Variants in SARAF observed in about 807,000 individuals in gnomAD.
The protein encoded by SARAF is store-operated calcium entry-associated regulatory factor.
Under a neutral mutation model 39.7 loss-of-function variants are expected in SARAF, and 23 were observed. The observed-to-expected ratio is 0.58, with a 90% CI of 0.42 to 0.82. SARAF has a LOEUF of 0.82. Among genes scored for constraint, SARAF ranks in the 40% least tolerant of loss-of-function variants. The pLI, the probability that SARAF is intolerant of heterozygous loss-of-function variation, is 0.00. For missense variants in SARAF, 384 were observed against 418.5 expected, an observed-to-expected ratio of 0.92 and a Z score of 0.72; for synonymous variants, 175 against 168.5, an observed-to-expected ratio of 1.04 and a Z score of -0.30.
chr8:30,076,001 AAAAC>A lies in SARAF; in HGVS notation c.104-1950_104-1947del, dbSNP rs1563356253. On this transcript the variant is annotated intron_variant, in intron 1 of 5. Transcript: ENST00000256255. Reference sequence around the variant, plus strand: ...ATCCCTAAAAAAAAACAAAAAAAAAAAAACAAAAAACGGGAAATGGCAGCTCTGG... The same window carrying A: ...ATCCCTAAAAAAAAACAAAAAAAAAAAAAAAACGGGAAATGGCAGCTCTGG... Among the ~76,000 whole-genome samples the A allele has an allele frequency of 1.0e-4, 15 of 146,002 alleles. 6 individuals are homozygous for A. Among genetic ancestry groups the A allele is most frequent in the Non-Finnish European group, 1.8e-4 (12 of 66,966 alleles).
In SARAF at chr8:30,065,944, T is replaced by C. The variant is rs368722565; in HGVS notation, c.994+44A>G. ...TTCTAAAGTTCCCAAACTATTTCTG[T>C]ACTTTACTCCTAGGTAAAAGGAACT... On this transcript the variant is annotated intron_variant, in intron 5 of 5. Coordinates refer to ENST00000256255, the MANE Select transcript of SARAF (RefSeq NM_016127.6). 3 of 1,609,982 alleles carry C rather than the reference T, an allele frequency of 1.9e-6. No homozygotes were observed. In the African/African-American group the frequency reaches 4.0e-5, roughly 22 times the overall value.
chr8:30,080,697 G>C (rs1585447883), intron 1 of SARAF, among the ~76,000 whole-genome samples: 1 of 152,148 alleles, frequency 6.6e-6, no homozygotes, highest in African/African-American at 2.4e-5. Flanking sequence ...CTTTAGAATG[G>C]TGCTAATTTT....
rs1022301525 is a variant in SARAF at position 30,063,706 on chromosome 8, T to C, written c.*182A>G. The C allele has an allele frequency of 3.2e-6, 2 of 618,718 alleles. No individual in the cohort carries two copies. Among genetic ancestry groups the C allele is most frequent in the African/African-American group, 1.8e-5 (1 of 54,104 alleles). The allele number at this position is 618,718 out of a possible 1,614,324, so 38.3% of individuals were successfully genotyped here. The stretch of plus-strand genomic sequence containing the variant: ...CACTGACATACAACACATAAGTATT[T>C]TGTCACACATCAACTTTTAGCCTCA... On this transcript the variant is annotated 3_prime_UTR_variant, in exon 6 of 6. Coordinates refer to ENST00000256255, the MANE Select transcript of SARAF (RefSeq NM_016127.6).
At chr8:30,064,551 A>ATTTTTTTTTT (rs1387887357) in intron 5 of SARAF, among the ~76,000 whole-genome samples, 14 of 46,122 alleles carry the variant, frequency 3.0e-4, no homozygotes, top group Non-Finnish European at 3.7e-4. Context: ...ATATATATAT[A>ATTTTTTTTTT]TATATATATA....
rs150068798 is a variant in SARAF, at chr8:30,074,871, T to C, written c.104-816A>G. On this transcript the variant is annotated intron_variant, in intron 1 of 5. Coordinates refer to ENST00000256255, the MANE Select transcript of SARAF (RefSeq NM_016127.6). Reference sequence around the variant, plus strand: ...TGTACACTTCTGTATGTTTAAATACTTTAGGTATTTCATAATTTTAAAAAT... The same window carrying C: ...TGTACACTTCTGTATGTTTAAATACCTTAGGTATTTCATAATTTTAAAAAT... Among the ~76,000 whole-genome samples, 431 of 152,362 alleles carry C rather than the reference T, an allele frequency of 2.8e-3. 1 individual carries two copies. Among genetic ancestry groups the C allele is most frequent in the African/African-American group, 0.01 (418 of 41,582 alleles).
rs569267379 is a variant in SARAF, at chr8:30,066,104, G to A, written c.878C>T (p.Pro293Leu). 1.1e-4 allele frequency: 171 copies of A among 1,614,102 alleles called. No homozygotes were observed. In the South Asian group the frequency reaches 1.4e-3, roughly 13 times the overall value. ...GCCAGGGTAGGAGGGAGGATAGGAC[G>A]GGTAGTACCACGAGTCTGAGAAGGG... is the stretch of plus-strand genomic sequence containing the variant. ...ATPFSDSWYY[P>L]SYPPSYPGTW... Residue 293 changes from proline to leucine, a missense_variant, in exon 5 of 6, where the codon CCG becomes CTG. Transcript: ENST00000256255.
chr8:30,069,841 C>T lies in SARAF; in HGVS notation c.501G>A (p.Ser167=), dbSNP rs190031427. The change falls in exon 3 of 6, where the codon TCG becomes TCA. Residue 167 remains serine (S), a synonymous_variant. Transcript: ENST00000256255. ...ATCCACTCATGTTACAGGAATCCGC[C>T]GAGGACCACTTATAATAATAATCAG... The part of the protein sequence containing the change: ...SFSDYYYKWS[S]ADSCNMSGLI... 26 of 1,614,112 alleles carry T rather than the reference C, an allele frequency of 1.6e-5. No individual in the cohort carries two copies. The Admixed American group carries it at 2.7e-4, about 17-fold the overall frequency.
chr8:30,082,687 G>A (rs1413687826), intron 1 of SARAF, 160 bp downstream of exon 1: 6 of 551,382 alleles, frequency 1.1e-5, no homozygotes, highest in Non-Finnish European at 1.9e-5. Flanking sequence ...GGGAAGAGCA[G>A]TGGAACCAGG....
intron 1 of SARAF, among the ~76,000 whole-genome samples, chr8:30,075,119 G>C (rs532160629): frequency 6.6e-6 from 1 of 151,924 alleles, no homozygotes; most frequent in Non-Finnish European, 1.5e-5. Context: ...TAGCCAACAC[G>C]GCGAAACCCC....
At chr8:30,082,571 T>C in intron 1 of SARAF, 2 of 370,330 alleles carry the variant, frequency 5.4e-6, no homozygotes, top group East Asian at 4.6e-5. Flanking sequence ...AAGACGACAA[T>C]GGGCAAATTC....
intron 4 of SARAF, among the ~76,000 whole-genome samples, chr8:30,066,470 C>T (rs911769811): frequency 2.0e-5 from 3 of 152,150 alleles, no homozygotes; most frequent in Non-Finnish European, 2.9e-5. Context: ...TCCTACCAAA[C>T]CAGACTGTTC....
intron 4 of SARAF, 125 bp from the exon 5 acceptor site, chr8:30,066,264 A>G (rs1415123784): frequency 2.0e-6 from 2 of 993,792 alleles, no homozygotes; most frequent in Admixed American, 2.9e-5. Context: ...ATGTTCTGGT[A>G]TATCAGAGTT....
At chr8:30,078,183 A>G in intron 1 of SARAF, 1 of 344,130 alleles carries the variant, frequency 2.9e-6, no homozygotes, top group South Asian at 2.3e-5. Context: ...GTAGGAGGAA[A>G]AAAAAAAAAA....
chr8:30,074,053 T>A lies in SARAF; in HGVS notation c.106A>T (p.Arg36Ter), dbSNP rs1801904752. The change falls in exon 2 of 6, where the codon AGA (arginine) becomes TGA (stop). Residue 36 changes from arginine (R) to a stop codon, truncating the protein, a stop_gained and splice_region_variant. Transcript: ENST00000256255. LOFTEE classifies it high-confidence loss of function. ...GPALGWNDPDRMLLRDVKALT... is the reference protein window; with the variant it reads ...GPALGWNDPD ...GCTTTTACATCCCGCAGCAACATTC[T>A]GTCTGAAACAGCAAGAAAACAGAGG... is the stretch of plus-strand genomic sequence containing the variant. 1 of 1,611,508 alleles carries A rather than the reference T, an allele frequency of 6.2e-7. No homozygotes were observed. The highest frequency in any genetic ancestry group is 8.5e-7 in the Non-Finnish European group (1 of 1,178,122).
At chr8:30,083,081 G>A (rs1214736502), upstream of SARAF, 5 of 613,866 alleles carry the variant, frequency 8.1e-6, no homozygotes, top group Non-Finnish European at 1.3e-5. Context: ...CTGCAGAGCT[G>A]CAGCCGCAAC....
At chr8:30,077,679 G>A (rs1270043420) in intron 1 of SARAF, among the ~76,000 whole-genome samples, 2 of 151,852 alleles carry the variant, frequency 1.3e-5, no homozygotes, top group African/African-American at 4.8e-5. Context: ...GCGCGTGCCT[G>A]TAGTCCCAGC....
intron 2 of SARAF, among the ~76,000 whole-genome samples, chr8:30,070,441 G>A (rs930213348): frequency 1.3e-5 from 2 of 151,966 alleles, no homozygotes; most frequent in South Asian, 2.1e-4. Context: ...CTATATATCC[G>A]TCATAAAATT....
At position 30,063,895 on chromosome 8, in the gene SARAF, C is replaced by T; in HGVS notation, c.1013G>A (p.Arg338Lys). Reference sequence around the variant, plus strand: ...TGACTCCAACTTTCTACTTTATCGTCTCCTGGTACCACCATATCCTAGAAT... The same window carrying T: ...TGACTCCAACTTTCTACTTTATCGTTTCCTGGTACCACCATATCCTAGAAT... ...RTASGYGGTR[R>K]R The change falls in exon 6 of 6, where the codon AGA becomes AAA. Residue 338 changes from arginine (R) to lysine (K), a missense_variant. Physicochemically the swap from Arg to Lys is conservative, Grantham distance 26. Transcript: ENST00000256255. 1 of 1,613,140 alleles carries T rather than the reference C, an allele frequency of 6.2e-7. No individual in the cohort carries two copies. The highest frequency in any genetic ancestry group is 8.5e-7 in the Non-Finnish European group (1 of 1,179,462).
At chr8:30,078,008 C>T (rs1472631127) in intron 1 of SARAF, among the ~76,000 whole-genome samples, 5 of 150,926 alleles carry the variant, frequency 3.3e-5, no homozygotes, top group East Asian at 2.0e-4. Context: ...GGCATGGTGG[C>T]GGGCACCTGT....
Sources: gnomAD v4.1 joint callset for allele counts (sites outside exome capture counted in the v4.1 genomes callset) on GRCh38, gnomAD v4.1.1 for gene constraint, MANE v1.5 for transcripts, NCBI Gene and HGNC (gene_info 2026-07-23, HGNC 2026-07-21) for gene names.